RTN3: variants seen among roughly 807,000 people sequenced by gnomAD.
RTN3 encodes reticulon-3.
RTN3 carries 49 observed loss-of-function variants against 77.8 expected under a neutral mutation model. The ratio of observed to expected loss-of-function variants is 0.63; its 90% CI spans 0.50 to 0.80. RTN3 has a LOEUF of 0.80. Ranked by LOEUF, RTN3 falls within the 30% of genes least tolerant of loss-of-function variation. The pLI, the probability that RTN3 is intolerant of heterozygous loss-of-function variation, is 0.00. For missense variants in RTN3, 1,236 were observed against 1,211.9 expected, an observed-to-expected ratio of 1.02 and a Z score of -0.29; for synonymous variants, 464 against 446.9, an observed-to-expected ratio of 1.04 and a Z score of -0.48.
Position 63,758,286 on chromosome 11 carries a change from TCA to T in RTN3, c.*86_*87del. 1 of 1,613,564 alleles carries T rather than the reference TCA, an allele frequency of 6.2e-7. No individual in the cohort carries two copies. ...TTACTTGTACTATGAAGGAAAATAC[TCA>T]GTGTCAGCTTGAGCCTGCATTCCAA... On this transcript the variant is annotated 3_prime_UTR_variant, in exon 9 of 9. Transcript: ENST00000377819.
intron 2 of RTN3, among the ~76,000 whole-genome samples, chr11:63,713,639 C>A (rs994530923): frequency 5.9e-5 from 9 of 152,222 alleles, no homozygotes; most frequent in Non-Finnish European, 1.2e-4. Context: ...TCTACTAGAT[C>A]TATGACTTTA....
At chr11:63,684,355 G>A (rs537040677) in intron 1 of RTN3, among the ~76,000 whole-genome samples, 1 of 152,100 alleles carries the variant, frequency 6.6e-6, no homozygotes, top group African/African-American at 2.4e-5. Flanking sequence ...CACAGTGTTA[G>A]CCAGGATGGT....
chr11:63,683,401 A>AT (rs368681392), intron 1 of RTN3, among the ~76,000 whole-genome samples: 166 of 152,106 alleles, frequency 1.1e-3, no homozygotes, highest in Middle Eastern at 3.4e-3. Flanking sequence ...GGTTTTCTTG[A>AT]TTTTTCATTT....
chr11:63,731,083 T>TA (rs999343229), intron 3 of RTN3, among the ~76,000 whole-genome samples: 2 of 152,014 alleles, frequency 1.3e-5, no homozygotes, highest in Non-Finnish European at 2.9e-5. Context: ...GGATTTTTTT[T>TA]TTTATTTATT....
intron 3 of RTN3, among the ~76,000 whole-genome samples, chr11:63,731,075 AT>A (rs35424226): frequency 1.2e-4 from 17 of 147,498 alleles, no homozygotes; most frequent in East Asian, 7.9e-4. Context: ...ATTTCAAAGG[AT>A]TTTTTTTTTT....
At chr11:63,693,535 A>G (rs1941776126) in intron 1 of RTN3, among the ~76,000 whole-genome samples, 1 of 152,326 alleles carries the variant, frequency 6.6e-6, no homozygotes, top group Non-Finnish European at 1.5e-5. Context: ...ACTGCTGTCA[A>G]ATTCATTCAT....
intron 3 of RTN3, among the ~76,000 whole-genome samples, chr11:63,734,241 G>C (rs982476784): frequency 6.6e-6 from 1 of 152,026 alleles, no homozygotes; most frequent in South Asian, 2.1e-4. Context: ...TGAGGTCAGA[G>C]TTTGAGATCT....
At chr11:63,729,631 T>A (rs1013865616) in intron 3 of RTN3, among the ~76,000 whole-genome samples, 4 of 151,550 alleles carry the variant, frequency 2.6e-5, no homozygotes, top group Non-Finnish European at 4.4e-5. Flanking sequence ...CTAATTTTTT[T>A]ATTTTTTTAG....
chr11:63,734,348 G>A (rs2012918337), intron 3 of RTN3, among the ~76,000 whole-genome samples: 1 of 152,050 alleles, frequency 6.6e-6, no homozygotes, highest in Admixed American at 6.6e-5. Flanking sequence ...TCAGGAGGCT[G>A]AGGCAGGAGA....
rs1026211613 is a variant in RTN3, at chr11:63,707,520, A to G, written c.199+2613A>G. 4.1e-4 allele frequency among the ~76,000 whole-genome samples: 63 copies of G among 152,170 alleles called. 1 individual carries two copies. The highest frequency in any genetic ancestry group is 5.9e-5 in the Non-Finnish European group (4 of 68,028). On this transcript the variant is annotated intron_variant, in intron 2 of 8. Transcript: ENST00000377819. Reference sequence around the variant, plus strand: ...ACCAATGTAGATTGAGAATAGTCTTATTGTAGAAAGGTAATTAAGAATGCC... The same window carrying G: ...ACCAATGTAGATTGAGAATAGTCTTGTTGTAGAAAGGTAATTAAGAATGCC...
chr11:63,735,980 A>G (rs2013092177), intron 3 of RTN3, among the ~76,000 whole-genome samples: 1 of 152,168 alleles, frequency 6.6e-6, no homozygotes, highest in Admixed American at 6.5e-5. Context: ...CAGAAATAAC[A>G]AATTAGCACA....
chr11:63,734,477 C>T (rs557001503), intron 3 of RTN3, among the ~76,000 whole-genome samples: 1 of 151,856 alleles, frequency 6.6e-6, no homozygotes, highest in Admixed American at 6.6e-5. Context: ...TGGCTCATGC[C>T]TGTAATCCCA....
intron 1 of RTN3, among the ~76,000 whole-genome samples, chr11:63,683,097 G>A (rs1206965850): frequency 6.6e-6 from 1 of 152,018 alleles, no homozygotes; most frequent in Non-Finnish European, 1.5e-5. Flanking sequence ...TGTTTTTCTA[G>A]CAGTGAATTT....
intron 3 of RTN3, among the ~76,000 whole-genome samples, chr11:63,735,318 T>G (rs978772649): frequency 6.6e-6 from 1 of 152,118 alleles, no homozygotes; most frequent in Admixed American, 6.5e-5. Context: ...AAATAAGTAG[T>G]TCCATTTACA....
intron 3 of RTN3, among the ~76,000 whole-genome samples, chr11:63,744,814 A>C (rs1439783634): frequency 6.6e-6 from 1 of 152,188 alleles, no homozygotes; most frequent in African/African-American, 2.4e-5. Flanking sequence ...CAACATGACA[A>C]AACCCTGCCT....
intron 1 of RTN3, among the ~76,000 whole-genome samples, chr11:63,684,774 ACT>A (rs1355748322): frequency 6.6e-6 from 1 of 151,406 alleles, no homozygotes; most frequent in Non-Finnish European, 1.5e-5. Context: ...CTAAAGAGAA[ACT>A]CTTTTTGGAG....
At chr11:63,757,743 A>G (rs1277078970) in intron 8 of RTN3, among the ~76,000 whole-genome samples, 23 of 120,596 alleles carry the variant, frequency 1.9e-4, no homozygotes, top group African/African-American at 6.6e-4. Flanking sequence ...TTTTTTTGAG[A>G]TGGAGTCTCG....
At chr11:63,748,920 G>C (rs1472111292) in intron 3 of RTN3, among the ~76,000 whole-genome samples, 1 of 151,720 alleles carries the variant, frequency 6.6e-6, no homozygotes, top group African/African-American at 2.4e-5. Flanking sequence ...CGCCCGCCTT[G>C]GTCTCCCAAA....
intron 1 of RTN3, among the ~76,000 whole-genome samples, chr11:63,689,449 T>G (rs989518841): frequency 1.3e-5 from 2 of 152,192 alleles, no homozygotes; most frequent in African/African-American, 4.8e-5. Context: ...GATTGCATCA[T>G]TGAAGTCTTC....
Sources: allele counts gnomAD v4.1 joint callset (sites outside exome capture counted in the v4.1 genomes callset), GRCh38; gene constraint gnomAD v4.1.1; transcripts MANE v1.5; gene names NCBI Gene and HGNC (gene_info 2026-07-23, HGNC 2026-07-21).